Variants in CA8 observed in about 807,000 individuals in gnomAD.
The protein encoded by CA8 is carbonic anhydrase 8 (inactive).
A neutral mutation model predicts 41.4 loss-of-function variants in CA8; 22 were observed. The observed-to-expected ratio is 0.53, with a 90% CI of 0.38 to 0.76. CA8 has a LOEUF of 0.76. Among genes scored for constraint, CA8 ranks in the 30% least tolerant of loss-of-function variants. The pLI is 0.00. For synonymous variants in CA8, 121 were observed against 130.6 expected (o/e 0.93, Z 0.50); for missense variants, 270 against 352.8 (o/e 0.77, Z 1.88).
At chr8:60,200,990 T>C (rs1196390610) in intron 8 of CA8, among the ~76,000 whole-genome samples, 1 of 152,222 alleles carries the variant, frequency 6.6e-6, no homozygotes, top group Admixed American at 6.5e-5. Context: ...CATGAGGAGA[T>C]GACGCTAACT....
At chr8:60,243,609 G>A (rs1011431779) in intron 3 of CA8, among the ~76,000 whole-genome samples, 1 of 151,828 alleles carries the variant, frequency 6.6e-6, no homozygotes, top group Admixed American at 6.6e-5. Context: ...CACCGTCTAC[G>A]GCCATACCAC....
chr8:60,258,313 T>G (rs1054826788), intron 3 of CA8, among the ~76,000 whole-genome samples: 2 of 152,236 alleles, frequency 1.3e-5, no homozygotes, highest in African/African-American at 2.4e-5. Flanking sequence ...CTGTGCCTAA[T>G]ACATAAATTA....
chr8:60,191,576 C>T (rs921301862), intron 8 of CA8, among the ~76,000 whole-genome samples: 1 of 152,050 alleles, frequency 6.6e-6, no homozygotes, highest in Non-Finnish European at 1.5e-5. Context: ...TGCAAATCTC[C>T]AAAAGGAGGA....
intron 8 of CA8, among the ~76,000 whole-genome samples, chr8:60,193,035 ATAG>A (rs1291871634): frequency 6.6e-6 from 1 of 151,846 alleles, no homozygotes; most frequent in Non-Finnish European, 1.5e-5. Context: ...ATATGGCTAT[ATAG>A]TAAATCTGGT....
intron 8 of CA8, among the ~76,000 whole-genome samples, chr8:60,198,276 T>C (rs1806334078): frequency 3.9e-5 from 6 of 152,194 alleles, no homozygotes; most frequent in Admixed American, 3.9e-4. Flanking sequence ...TCTCATAGGA[T>C]TGTTACGAGG....
chr8:60,245,919 T>A (rs1049698210), intron 3 of CA8, among the ~76,000 whole-genome samples: 5 of 152,174 alleles, frequency 3.3e-5, no homozygotes, highest in Admixed American at 3.3e-4. Flanking sequence ...TGGGGGGCGA[T>A]TTTTAAAACA....
At chr8:60,206,635 T>A (rs772188287) in intron 8 of CA8, among the ~76,000 whole-genome samples, 2 of 150,434 alleles carry the variant, frequency 1.3e-5, no homozygotes, top group Admixed American at 1.3e-4. Context: ...CTCCTATCCA[T>A]CTTCACTGCT....
chr8:60,197,331 C>T (rs1288812309), intron 8 of CA8, among the ~76,000 whole-genome samples: 3 of 151,620 alleles, frequency 2.0e-5, no homozygotes, highest in Non-Finnish European at 1.5e-5. Context: ...TCATAAGATA[C>T]ATTACATATA....
intron 2 of CA8, among the ~76,000 whole-genome samples, chr8:60,270,960 C>T (rs1193758818): frequency 6.6e-6 from 1 of 152,018 alleles, no homozygotes; most frequent in Non-Finnish European, 1.5e-5. Flanking sequence ...GAGAGCAGGC[C>T]GGGCAAAGTG....
intron 7 of CA8, 86 bp from the exon 8 acceptor site, chr8:60,209,005 T>C: frequency 7.5e-7 from 1 of 1,338,522 alleles, no homozygotes; most frequent in Non-Finnish European, 1.1e-6. Context: ...GCATAAAATA[T>C]GTATAAATTA....
intron 3 of CA8, among the ~76,000 whole-genome samples, chr8:60,247,222 C>CT (rs1395506811): frequency 6.6e-6 from 1 of 152,062 alleles, no homozygotes; most frequent in Non-Finnish European, 1.5e-5. Context: ...GGCATATTTT[C>CT]TTTTTTTCTT....
At chr8:60,219,986 A>T (rs13255207) in intron 7 of CA8, among the ~76,000 whole-genome samples, 86,283 of 148,576 alleles carry the variant, frequency 0.58, 25,972 homozygotes, top group Non-Finnish European at 0.66. Context: ...TGTCCCTAAA[A>T]CCCTCCTTGC....
At chr8:60,219,949 A>AC (rs1807186882) in intron 7 of CA8, among the ~76,000 whole-genome samples, 1 of 146,804 alleles carries the variant, frequency 6.8e-6, no homozygotes, top group Non-Finnish European at 1.5e-5. Flanking sequence ...AAAAAAAAAA[A>AC]AAAACACTTG....
chr8:60,226,967 A>C, intron 4 of CA8, 32 bp from the exon 5 acceptor site: 1 of 1,489,510 alleles, frequency 6.7e-7, no homozygotes, highest in Non-Finnish European at 9.4e-7. Flanking sequence ...CCACAACCAC[A>C]ACATTTTTCA....
At chr8:60,236,314 T>C (rs2130507043) in intron 3 of CA8, among the ~76,000 whole-genome samples, 1 of 152,328 alleles carries the variant, frequency 6.6e-6, no homozygotes, top group Non-Finnish European at 1.5e-5. Context: ...AACTCTTGCA[T>C]GAATTTCCAG....
chr8:60,266,642 T>C (rs1803909343), intron 2 of CA8, among the ~76,000 whole-genome samples: 1 of 152,156 alleles, frequency 6.6e-6, no homozygotes, highest in Non-Finnish European at 1.5e-5. Flanking sequence ...ATATTAACAA[T>C]CCTCAAAATA....
chr8:60,192,415 T>G (rs1306642246), intron 8 of CA8, among the ~76,000 whole-genome samples: 1 of 152,126 alleles, frequency 6.6e-6, no homozygotes, highest in East Asian at 1.9e-4. Context: ...AAGTAATAAT[T>G]TTGGTTGATT....
At chr8:60,243,109 C>T (rs144389800) in intron 3 of CA8, among the ~76,000 whole-genome samples, 5 of 152,322 alleles carry the variant, frequency 3.3e-5, no homozygotes, top group African/African-American at 1.2e-4. Flanking sequence ...TTACGAAATA[C>T]AGTGCCAGCT....
chr8:60,202,766 C>G (rs1806470713), intron 8 of CA8, among the ~76,000 whole-genome samples: 1 of 152,028 alleles, frequency 6.6e-6, no homozygotes. Context: ...TTGGATCATT[C>G]CAAAGCACTT....
Sources: gnomAD v4.1 joint callset for allele counts (sites outside exome capture counted in the v4.1 genomes callset) on GRCh38, gnomAD v4.1.1 for gene constraint, MANE v1.5 for transcripts, NCBI Gene and HGNC (gene_info 2026-07-23, HGNC 2026-07-21) for gene names.